TEX2: variants seen among roughly 807,000 people sequenced by gnomAD.
TEX2 encodes the protein testis expressed 2, also known as testis-expressed protein 2.
TEX2 carries 53 observed loss-of-function variants against 106.9 expected under a neutral mutation model. The ratio of observed to expected loss-of-function variants is 0.50; its 90% CI spans 0.40 to 0.62. The LOEUF (loss-of-function observed/expected upper bound fraction) is 0.62, where lower values mean the gene tolerates loss of function less well. Among genes scored for constraint, TEX2 ranks in the 20% least tolerant of loss-of-function variants. The pLI is 0.00. For synonymous variants in TEX2, 523 were observed against 534.8 expected (o/e 0.98, Z 0.30); for missense variants, 1,207 against 1,379.0 (o/e 0.88, Z 1.98).
At chr17:64,222,346 C>T (rs938731793) in intron 1 of TEX2, among the ~76,000 whole-genome samples, 2 of 151,644 alleles carry the variant, frequency 1.3e-5, no homozygotes, top group Non-Finnish European at 2.9e-5. Flanking sequence ...TGGTGAAACC[C>T]GTCTCTACTA....
At chr17:64,163,776 C>G (rs775927189) in intron 7 of TEX2, among the ~76,000 whole-genome samples, 2 of 152,190 alleles carry the variant, frequency 1.3e-5, no homozygotes, top group African/African-American at 2.4e-5. Context: ...AATGAGCACA[C>G]GGGGACATAC....
chr17:64,148,903 A>G lies in TEX2; in HGVS notation c.*66T>C. Reference sequence around the variant, plus strand: ...CACAGAGGCCAGTGCTACAGTACAGATGGCGGCCAAGAACCCCACACATCC... The same window carrying G: ...CACAGAGGCCAGTGCTACAGTACAGGTGGCGGCCAAGAACCCCACACATCC... On this transcript the variant is annotated 3_prime_UTR_variant, in exon 12 of 12. Transcript: ENST00000584379. 6.2e-7 allele frequency: 1 copy of G among 1,602,584 alleles called. No homozygotes were observed. The highest frequency in any genetic ancestry group is 8.5e-7 in the Non-Finnish European group (1 of 1,173,424).
At chr17:64,165,150 T>C (rs1440218895) in intron 7 of TEX2, among the ~76,000 whole-genome samples, 1 of 152,218 alleles carries the variant, frequency 6.6e-6, no homozygotes, top group African/African-American at 2.4e-5. Flanking sequence ...TTTGATAACA[T>C]TATCAAGAAC....
At chr17:64,167,342 C>A (rs2031183977) in intron 7 of TEX2, among the ~76,000 whole-genome samples, 1 of 152,164 alleles carries the variant, frequency 6.6e-6, no homozygotes. Context: ...GTAGGATGGT[C>A]AACTGGACAC....
At chr17:64,214,589 C>A (rs2033130870) in intron 1 of TEX2, among the ~76,000 whole-genome samples, 1 of 152,204 alleles carries the variant, frequency 6.6e-6, no homozygotes, top group Non-Finnish European at 1.5e-5. Flanking sequence ...ATGTTACCAG[C>A]ATTGCTTGAG....
chr17:64,181,471 TCAAAAAAAAAAAAAAA>T (rs1199189737), intron 5 of TEX2, among the ~76,000 whole-genome samples: 1 of 117,434 alleles, frequency 8.5e-6, no homozygotes, highest in Non-Finnish European at 1.8e-5. Flanking sequence ...CAAGGCTATC[TCAAAAAAAAAAAAAAA>T]AAAAAAAAAA....
intron 4 of TEX2, among the ~76,000 whole-genome samples, chr17:64,191,185 T>G (rs2032283133): frequency 6.6e-6 from 1 of 152,200 alleles, no homozygotes; most frequent in South Asian, 2.1e-4. Flanking sequence ...GAGCCTTGCT[T>G]TAGTACCAGT....
intron 1 of TEX2, among the ~76,000 whole-genome samples, chr17:64,234,815 T>G (rs11079533): frequency 0.25 from 37,900 of 152,126 alleles, 5,289 homozygotes; most frequent in African/African-American, 0.38. Context: ...GTTCTCAAAA[T>G]ATCCTATTGA....
chr17:64,246,436 G>A (rs781891695), intron 1 of TEX2, among the ~76,000 whole-genome samples: 11 of 152,004 alleles, frequency 7.2e-5, no homozygotes, highest in East Asian at 1.9e-4. Flanking sequence ...TAGTAGAGAC[G>A]GGGTTTCACC....
At chr17:64,172,308 G>A (rs916918280) in intron 6 of TEX2, among the ~76,000 whole-genome samples, 9 of 148,580 alleles carry the variant, frequency 6.1e-5, no homozygotes, top group African/African-American at 1.7e-4. Flanking sequence ...AGCCAAGATC[G>A]CACCACTGCA....
intron 2 of TEX2, among the ~76,000 whole-genome samples, chr17:64,207,882 C>T (rs2032882979): frequency 6.6e-6 from 1 of 152,070 alleles, no homozygotes; most frequent in African/African-American, 2.4e-5. Flanking sequence ...ACTACAGGCA[C>T]CCGCCACCAC....
At chr17:64,233,931 T>TC (rs1198525298) in intron 1 of TEX2, among the ~76,000 whole-genome samples, 1 of 152,162 alleles carries the variant, frequency 6.6e-6, no homozygotes, top group African/African-American at 2.4e-5. Flanking sequence ...TGGCCTTACC[T>TC]CCTGGGACGT....
chr17:64,234,684 C>A (rs1379303111), intron 1 of TEX2, among the ~76,000 whole-genome samples: 2 of 151,990 alleles, frequency 1.3e-5, no homozygotes, highest in Non-Finnish European at 2.9e-5. Context: ...ATAAATGGGA[C>A]GGCACTTCAT....
intron 3 of TEX2, among the ~76,000 whole-genome samples, chr17:64,194,564 C>A (rs1252123412): frequency 6.6e-6 from 1 of 152,174 alleles, no homozygotes. Flanking sequence ...TTTTGTTTGA[C>A]TGAAATAATT....
At chr17:64,221,923 C>G (rs1239953912) in intron 1 of TEX2, among the ~76,000 whole-genome samples, 6 of 152,130 alleles carry the variant, frequency 3.9e-5, no homozygotes, top group Non-Finnish European at 8.8e-5. Context: ...CACATAAAGA[C>G]AAATACTGTA....
intron 1 of TEX2, among the ~76,000 whole-genome samples, chr17:64,262,698 T>C (rs1473657595): frequency 1.3e-5 from 2 of 152,186 alleles, no homozygotes; most frequent in South Asian, 4.1e-4. Flanking sequence ...CTCCAGGAGT[T>C]GGAGAAAAAC....
chr17:64,202,773 ACT>A (rs1484706957), intron 2 of TEX2, among the ~76,000 whole-genome samples: 1 of 152,010 alleles, frequency 6.6e-6, no homozygotes, highest in East Asian at 1.9e-4. Flanking sequence ...TCAACCGAAA[ACT>A]CTGAGATGCT....
chr17:64,244,986 T>C (rs568457529), intron 1 of TEX2, among the ~76,000 whole-genome samples: 4 of 152,136 alleles, frequency 2.6e-5, no homozygotes, highest in African/African-American at 9.7e-5. Context: ...CTTTCATACA[T>C]ATGGCAATTT....
At position 64,158,669 on chromosome 17, in the gene TEX2, G is replaced by A. The variant is rs1598119531; in HGVS notation, c.2804+2132C>T. Among the ~76,000 whole-genome samples the A allele has an allele frequency of 3.3e-5, 5 of 152,290 alleles. No homozygotes were observed. The South Asian group carries it at 8.3e-4, about 25-fold the overall frequency. Reference sequence around the variant, plus strand: ...TTCTGGGATTAGGTTCTTAACCACGGATGGGCTTTCAGAGATTCACAATGC... The same window carrying A: ...TTCTGGGATTAGGTTCTTAACCACGAATGGGCTTTCAGAGATTCACAATGC... On this transcript the variant is annotated intron_variant, in intron 8 of 11. Coordinates refer to ENST00000584379, the MANE Select transcript of TEX2 (RefSeq NM_001288732.2).
Sources: gnomAD v4.1 joint callset for allele counts (sites outside exome capture counted in the v4.1 genomes callset) on GRCh38, gnomAD v4.1.1 for gene constraint, MANE v1.5 for transcripts, NCBI Gene and HGNC (gene_info 2026-07-23, HGNC 2026-07-21) for gene names.